The following SHLD1 variants were observed in gnomAD, a reference collection of about 807,000 sequenced individuals.
The protein encoded by SHLD1 is shieldin complex subunit 1, also known as RINN1-REV7-interacting novel NHEJ regulator 3.
In SHLD1, 3 loss-of-function variants were observed where a neutral mutation model predicts 5.5. The ratio of observed to expected loss-of-function variants is 0.54; its 90% CI spans 0.25 to 1.40. The LOEUF is 1.40. SHLD1 is among the 40% of genes most tolerant of loss of function. SHLD1 has a pLI of 0.15. For missense variants in SHLD1, 210 were observed against 244.4 expected (o/e 0.86, Z 0.94); for synonymous variants, 92 against 94.3 (o/e 0.98, Z 0.14).
intron 2 of SHLD1, among the ~76,000 whole-genome samples, chr20:5,787,515 A>G (rs1450151342): frequency 6.6e-6 from 1 of 152,202 alleles, no homozygotes. Context: ...ACTTTTAAGG[A>G]TAAAGGCTTT....
chr20:5,852,059 T>G (rs1216638402), intron 2 of SHLD1, among the ~76,000 whole-genome samples: 1 of 152,046 alleles, frequency 6.6e-6, no homozygotes, highest in African/African-American at 2.4e-5. Context: ...CTGCTCCAGC[T>G]TCACCTTCCA....
intron 2 of SHLD1, among the ~76,000 whole-genome samples, chr20:5,844,770 C>CATATATATATATATATAT (rs150675433): frequency 2.0e-5 from 2 of 101,056 alleles, no homozygotes; most frequent in Non-Finnish European, 3.7e-5. Context: ...GTGTAGTAGA[C>CATATATATATATATATAT]ATATATATAT....
intron 2 of SHLD1, among the ~76,000 whole-genome samples, chr20:5,779,194 T>A (rs1985576018): frequency 6.7e-6 from 1 of 149,506 alleles, no homozygotes. Flanking sequence ...AGAGTGAGAC[T>A]CTGTCTAAAA....
chr20:5,837,107 G>T (rs188141770), intron 2 of SHLD1, among the ~76,000 whole-genome samples: 1 of 152,300 alleles, frequency 6.6e-6, no homozygotes, highest in East Asian at 1.9e-4. Context: ...TAGGACAGAA[G>T]ATTCTCCGGG....
chr20:5,767,571 G>A (rs929568666), intron 1 of SHLD1, among the ~76,000 whole-genome samples: 1 of 152,150 alleles, frequency 6.6e-6, no homozygotes, highest in Non-Finnish European at 1.5e-5. Context: ...ACCACTGCAG[G>A]CGAATGAATT....
At chr20:5,771,126 A>G (rs771582180) in intron 1 of SHLD1, among the ~76,000 whole-genome samples, 11 of 152,220 alleles carry the variant, frequency 7.2e-5, no homozygotes, top group South Asian at 4.1e-4. Context: ...GCTTTATCAT[A>G]TGCCCTGCAG....
intron 1 of SHLD1, among the ~76,000 whole-genome samples, chr20:5,761,231 G>T (rs898163904): frequency 2.0e-5 from 3 of 152,008 alleles, no homozygotes; most frequent in African/African-American, 7.2e-5. Flanking sequence ...ACAGGGAGGG[G>T]AACATCACAC....
At chr20:5,861,811 A>G (rs1568536150) in intron 2 of SHLD1, among the ~76,000 whole-genome samples, 1 of 152,146 alleles carries the variant, frequency 6.6e-6, no homozygotes. Flanking sequence ...GCAAGTACAG[A>G]TATGTTTATT....
intron 2 of SHLD1, among the ~76,000 whole-genome samples, chr20:5,795,940 C>T (rs1016494438): frequency 1.4e-4 from 21 of 150,344 alleles, no homozygotes; most frequent in Admixed American, 7.3e-4. Context: ...TGCAGTGAGC[C>T]GAGATCGCAC....
chr20:5,795,590 C>T (rs2087200297), intron 2 of SHLD1, among the ~76,000 whole-genome samples: 2 of 111,326 alleles, frequency 1.8e-5, no homozygotes, highest in Admixed American at 1.0e-4. Flanking sequence ...CAGAGCAAGA[C>T]TCTGGTCTCG....
intron 1 of SHLD1, among the ~76,000 whole-genome samples, chr20:5,757,071 CTTTTTTTTTTTTT>C (rs753877287): frequency 8.1e-6 from 1 of 123,226 alleles, no homozygotes; most frequent in African/African-American, 3.1e-5. Context: ...TTCTTTCTTT[CTTTTTTTTTTTTT>C]TTTTTTGAGA....
Position 5,794,882 on chromosome 20 carries a change from G to A in SHLD1, c.178+21839G>A, listed in dbSNP as rs555048283. ...ATCAGTGAGAACACAGGATTCCTGT[G>A]CTCATGGAGTTGATCGTCTAGTTGG... On this transcript the variant is annotated intron_variant, in intron 2 of 2. Coordinates refer to ENST00000303142, the MANE Select transcript of SHLD1 (RefSeq NM_152504.4). Among the ~76,000 whole-genome samples, 379 of 152,106 alleles carry A rather than the reference G, an allele frequency of 2.5e-3. 3 individuals carry two copies. The highest frequency in any genetic ancestry group is 8.3e-3 in the African/African-American group (346 of 41,480).
At chr20:5,752,880 C>T (rs1983843050) in intron 1 of SHLD1, among the ~76,000 whole-genome samples, 1 of 152,038 alleles carries the variant, frequency 6.6e-6, no homozygotes, top group Non-Finnish European at 1.5e-5. Context: ...CTGCAACCTC[C>T]ACCTCCTGGG....
At chr20:5,756,053 C>G (rs920932592) in intron 1 of SHLD1, among the ~76,000 whole-genome samples, 20 of 152,132 alleles carry the variant, frequency 1.3e-4, no homozygotes, top group Admixed American at 2.6e-4. Context: ...TTTTGTCAGT[C>G]TTATGATCTC....
At chr20:5,793,224 T>TC (rs1302137792) in intron 2 of SHLD1, among the ~76,000 whole-genome samples, 1 of 152,208 alleles carries the variant, frequency 6.6e-6, no homozygotes, top group Non-Finnish European at 1.5e-5. Flanking sequence ...ACTTTTTTTT[T>TC]CCTCGGAATT....
At chr20:5,816,624 C>T (rs2087533877) in intron 2 of SHLD1, among the ~76,000 whole-genome samples, 1 of 152,136 alleles carries the variant, frequency 6.6e-6, no homozygotes, top group Non-Finnish European at 1.5e-5. Flanking sequence ...GGAAGTTGCT[C>T]TCCTGATTTG....
intron 1 of SHLD1, among the ~76,000 whole-genome samples, chr20:5,764,178 TTA>T (rs1304138778): frequency 5.2e-5 from 4 of 77,412 alleles, no homozygotes; most frequent in Admixed American, 3.8e-4. Context: ...ATATATATTT[TTA>T]TATATATATA....
At chr20:5,772,508 G>T (rs1985221630) in intron 1 of SHLD1, among the ~76,000 whole-genome samples, 1 of 152,204 alleles carries the variant, frequency 6.6e-6, no homozygotes, top group Non-Finnish European at 1.5e-5. Flanking sequence ...AGTTTTCCAT[G>T]TAATATTTTT....
intron 2 of SHLD1, among the ~76,000 whole-genome samples, chr20:5,785,796 C>CAAA (rs34293571): frequency 1.3e-4 from 11 of 82,340 alleles, no homozygotes; most frequent in East Asian, 3.6e-4. Flanking sequence ...ACTCCGTCTC[C>CAAA]AAAAAAAAAA....
Sources: gnomAD v4.1 joint callset for allele counts (sites outside exome capture counted in the v4.1 genomes callset) on GRCh38, gnomAD v4.1.1 for gene constraint, MANE v1.5 for transcripts, NCBI Gene and HGNC (gene_info 2026-07-23, HGNC 2026-07-21) for gene names.